CNTRL: variants seen among roughly 807,000 people sequenced by gnomAD.
CNTRL encodes centriolin.
Under a neutral mutation model 303.7 loss-of-function variants are expected in CNTRL, and 233 were observed. That is an observed-to-expected ratio of 0.77 (90% CI 0.69 to 0.86). CNTRL has a LOEUF of 0.86. CNTRL is among the 40% of genes least tolerant of loss of function. CNTRL has a pLI of 0.00. For missense variants in CNTRL, 2,524 were observed against 2,650.6 expected (o/e 0.95, Z 1.05); for synonymous variants, 900 against 922.2 (o/e 0.98, Z 0.44).
rs1432589180 is a variant in CNTRL at position 121,162,232 on chromosome 9, A to G, written c.5384A>G (p.Lys1795Arg). The G allele has an allele frequency of 8.7e-6, 14 of 1,614,034 alleles. No individual in the cohort carries two copies. Among genetic ancestry groups the G allele is most frequent in the Admixed American group, 1.7e-5 (1 of 60,012 alleles). Residue 1795 changes from lysine (K) to arginine (R), a missense_variant, in exon 34 of 44, where the codon AAA (lysine) becomes AGA (arginine). Coordinates refer to ENST00000373855, the MANE Select transcript of CNTRL (RefSeq NM_007018.6). ...AAAGAAAAGGAAGATCTCCAAGAGAAATGTGACATTTGGGAAAAAAAGTTG... is the reference window on the plus strand; with the variant it reads ...AAAGAAAAGGAAGATCTCCAAGAGAGATGTGACATTTGGGAAAAAAAGTTG... ...LSKEKEDLQE[K>R]CDIWEKKLAQ...
intron 14 of CNTRL, among the ~76,000 whole-genome samples, chr9:121,129,232 A>G (rs1446009511): frequency 1.3e-5 from 2 of 152,198 alleles, no homozygotes; most frequent in Non-Finnish European, 2.9e-5. Flanking sequence ...TACCTTGGGC[A>G]GTATGGCCAT....
intron 20 of CNTRL, among the ~76,000 whole-genome samples, 195 bp downstream of exon 20, chr9:121,144,277 A>T (rs893229123): frequency 6.6e-6 from 1 of 152,148 alleles, no homozygotes; most frequent in African/African-American, 2.4e-5. Context: ...TGCCATGGAT[A>T]CTGCGTTCTA....
intron 16 of CNTRL, among the ~76,000 whole-genome samples, chr9:121,139,609 A>G (rs531862358): frequency 2.0e-5 from 3 of 152,316 alleles, no homozygotes; most frequent in African/African-American, 4.8e-5. Context: ...TTCCATTACT[A>G]TGTGAGGTGT....
chr9:121,129,429 G>A (rs900592263), intron 14 of CNTRL, among the ~76,000 whole-genome samples: 1 of 151,848 alleles, frequency 6.6e-6, no homozygotes, highest in African/African-American at 2.4e-5. Context: ...TCACGATTTG[G>A]CTCTCTGTCT....
chr9:121,149,388 G>C (rs921671446), intron 24 of CNTRL, among the ~76,000 whole-genome samples: 3 of 147,040 alleles, frequency 2.0e-5, no homozygotes, highest in African/African-American at 7.9e-5. Flanking sequence ...TGTTCATTCA[G>C]AAACTTTTTT....
rs1024020149 is a variant in CNTRL, at chr9:121,089,187, G to T, written c.217+644G>T. 2.0e-5 allele frequency among the ~76,000 whole-genome samples: 3 copies of T among 152,114 alleles called. No individual in the cohort carries two copies. In the East Asian group the frequency reaches 5.8e-4, roughly 29 times the overall value. ...ACTGAGTTTATACTATATCTTTGCT[G>T]CAAGTTGGCATATTGTTATTTCTAA... On this transcript the variant is annotated intron_variant, in intron 3 of 43. Coordinates refer to ENST00000373855, the MANE Select transcript of CNTRL (RefSeq NM_007018.6).
In CNTRL at chr9:121,142,310, T is replaced by C. The variant is rs371161409; in HGVS notation, c.2871+40T>C. 3 of 1,552,442 alleles carry C rather than the reference T, an allele frequency of 1.9e-6. No homozygotes were observed. The African/African-American group carries it at 4.1e-5, about 21-fold the overall frequency. On this transcript the variant is annotated intron_variant, in intron 19 of 43. Transcript: ENST00000373855. ...GAAAATGAGACACATAAGTACCTGCTGCCAGTGTCCTGCCCACTGGCAACT... is the reference window on the plus strand; with the variant it reads ...GAAAATGAGACACATAAGTACCTGCCGCCAGTGTCCTGCCCACTGGCAACT...
chr9:121,096,879 A>C (rs1049911085), intron 6 of CNTRL, among the ~76,000 whole-genome samples: 20 of 152,288 alleles, frequency 1.3e-4, no homozygotes, highest in African/African-American at 4.8e-4. Flanking sequence ...GGTAGTAGCA[A>C]GTAAGGTCTA....
intron 12 of CNTRL, among the ~76,000 whole-genome samples, chr9:121,119,204 A>T (rs1301468545): frequency 6.7e-6 from 1 of 149,900 alleles, no homozygotes; most frequent in Admixed American, 6.6e-5. Flanking sequence ...TGGTATATTT[A>T]TTTTTTTTTA....
intron 7 of CNTRL, among the ~76,000 whole-genome samples, chr9:121,105,771 T>C (rs574819991): frequency 6.6e-6 from 1 of 152,316 alleles, no homozygotes; most frequent in South Asian, 2.1e-4. Context: ...CAACAGGTGA[T>C]AATGATCTTG....
In CNTRL at chr9:121,100,891, A is replaced by G. The variant is rs192318050; in HGVS notation, c.808+2319A>G. Among the ~76,000 whole-genome samples, 1,351 of 152,352 alleles carry G rather than the reference A, an allele frequency of 8.9e-3. 31 individuals carry two copies. The highest frequency in any genetic ancestry group is 7.7e-3 in the Non-Finnish European group (527 of 68,040). On this transcript the variant is annotated intron_variant, in intron 7 of 43. Coordinates refer to ENST00000373855, the MANE Select transcript of CNTRL (RefSeq NM_007018.6). ...TAAATATATATGCACCCAATACAGG[A>G]GAATCCAGATTCATAAAGCAAGTCC...
rs751723645 is a variant in CNTRL at position 121,165,096 on chromosome 9, C to A, written c.5577C>A (p.Leu1859=). 1.3e-6 allele frequency: 2 copies of A among 1,585,476 alleles called. No individual in the cohort carries two copies. The highest frequency in any genetic ancestry group is 1.7e-6 in the Non-Finnish European group (2 of 1,168,376). Residue 1859 remains leucine, a synonymous_variant, in exon 35 of 44, where the codon CTC becomes CTA. Transcript: ENST00000373855. ...HNDISAMQQQ[L]QEKREAVNSL... is the part of the protein sequence containing the mutation. Reference sequence around the variant, plus strand: ...ACATTTCAGCAATGCAACAGCAGCTCCAAGGTATAAGGCAGCAAAACAGTG... The same window carrying A: ...ACATTTCAGCAATGCAACAGCAGCTACAAGGTATAAGGCAGCAAAACAGTG...
At position 121,144,144 on chromosome 9, in the gene CNTRL, C is replaced by T. The variant is rs1446990978; in HGVS notation, c.3051+62C>T. ...ATGCTGCTGTCAAAAAACATGGCAA[C>T]TTGTATTATTGATCTTGCTATAGAC... On this transcript the variant is annotated intron_variant, in intron 20 of 43. Transcript: ENST00000373855. 2.2e-6 allele frequency: 3 copies of T among 1,392,264 alleles called. No homozygotes were observed. The African/African-American group carries it at 4.3e-5, about 20-fold the overall frequency. The allele number at this position is 1,392,264 out of a possible 1,614,324, so 86.2% of individuals were successfully genotyped here.
Position 121,141,551 on chromosome 9 carries a change from A to T in CNTRL, c.2654A>T (p.Glu885Val), listed in dbSNP as rs1207659691. 2.5e-6 allele frequency: 4 copies of T among 1,614,126 alleles called. No individual in the cohort carries two copies. The highest frequency in any genetic ancestry group is 3.4e-6 in the Non-Finnish European group (4 of 1,179,988). ...QQEKLATGQE[E>V]FRQACERALE... Reference sequence around the variant, plus strand: ...GAGAAACTGGCAACTGGACAAGAAGAGTTCAGGCAGGCCTGTGAGAGAGCC... The same window carrying T: ...GAGAAACTGGCAACTGGACAAGAAGTGTTCAGGCAGGCCTGTGAGAGAGCC... Residue 885 changes from glutamate (E) to valine (V), a missense_variant, in exon 18 of 44, where the codon GAG becomes GTG. Glu to Val is a moderately radical substitution (Grantham distance 121, BLOSUM62 -2). Transcript: ENST00000373855.
intron 1 of CNTRL, among the ~76,000 whole-genome samples, chr9:121,079,168 A>G (rs2048043981): frequency 6.6e-6 from 1 of 152,202 alleles, no homozygotes; most frequent in Non-Finnish European, 1.5e-5. Flanking sequence ...TAATATTAAA[A>G]TTACTAAAAG....
chr9:121,174,842 TTA>T (rs2053455328), intron 42 of CNTRL, among the ~76,000 whole-genome samples, 174 bp from the exon 43 acceptor site: 1 of 152,122 alleles, frequency 6.6e-6, no homozygotes, highest in South Asian at 2.1e-4. Context: ...AAGTAAAGGT[TTA>T]TGCACACTAA....
At chr9:121,095,230 C>T (rs532383969) in intron 5 of CNTRL, among the ~76,000 whole-genome samples, 145 of 152,246 alleles carry the variant, frequency 9.5e-4, no homozygotes, top group African/African-American at 3.4e-3. Flanking sequence ...TAACATCTAG[C>T]ATTATCAAAG....
At chr9:121,081,711 T>C (rs1239086664) in intron 2 of CNTRL, among the ~76,000 whole-genome samples, 1 of 152,264 alleles carries the variant, frequency 6.6e-6, no homozygotes. Context: ...GAAGTTTTCA[T>C]GCTCTCGCCA....
chr9:121,128,517 G>A (rs1353950600), intron 14 of CNTRL, among the ~76,000 whole-genome samples: 2 of 152,126 alleles, frequency 1.3e-5, no homozygotes, highest in Admixed American at 1.3e-4. Flanking sequence ...ATTTGTTTAA[G>A]TTCTTTGTAG....
Sources: allele counts gnomAD v4.1 joint callset (sites outside exome capture counted in the v4.1 genomes callset), GRCh38; gene constraint gnomAD v4.1.1; transcripts MANE v1.5; gene names NCBI Gene and HGNC (gene_info 2026-07-23, HGNC 2026-07-21).